The following RAB11A variants were observed in gnomAD, a reference collection of about 807,000 sequenced individuals.
RAB11A encodes ras-related protein Rab-11A.
A neutral mutation model predicts 28.0 loss-of-function variants in RAB11A; 9 were observed. That is an observed-to-expected ratio of 0.32 (90% CI 0.19 to 0.56). RAB11A has a LOEUF of 0.56. RAB11A is among the 20% of genes least tolerant of loss of function. RAB11A has a pLI of 0.91. For missense variants in RAB11A, 108 were observed against 269.6 expected (o/e 0.40, Z 4.20); for synonymous variants, 85 against 88.2 (o/e 0.96, Z 0.20).
At position 65,869,542 on chromosome 15, in the gene RAB11A, C is replaced by G. The variant is rs369891471; in HGVS notation, c.-44C>G. 3.7e-4 allele frequency: 591 copies of G among 1,603,358 alleles called. No homozygotes were observed. The highest frequency in any genetic ancestry group is 4.4e-4 in the Non-Finnish European group (522 of 1,176,910). The stretch of plus-strand genomic sequence containing the variant: ...CCTGCAGCGACGCCCCCTGGTCCCA[C>G]AGATACCACTGCTGCTCCCGCCCTT... On this transcript the variant is annotated 5_prime_UTR_variant, in exon 1 of 5. Coordinates refer to ENST00000261890, the MANE Select transcript of RAB11A (RefSeq NM_004663.5).
In RAB11A at chr15:65,888,229, G is replaced by A. The variant is rs1463052661; in HGVS notation, c.*389G>A. The A allele has an allele frequency of 6.3e-6, 1 of 158,792 alleles. No individual in the cohort carries two copies. Among genetic ancestry groups the A allele is most frequent in the Non-Finnish European group, 1.4e-5 (1 of 72,592 alleles). The allele number at this position is 158,792 out of a possible 1,614,324, so 9.8% of individuals were successfully genotyped here. Reference sequence around the variant, plus strand: ...TAAGCTACCATTTTGCCACAGAGCAGCTTATAGGTAATACACTCTTCTCTC... The same window carrying A: ...TAAGCTACCATTTTGCCACAGAGCAACTTATAGGTAATACACTCTTCTCTC... On this transcript the variant is annotated 3_prime_UTR_variant, in exon 5 of 5. Transcript: ENST00000261890.
intron 4 of RAB11A, among the ~76,000 whole-genome samples, chr15:65,882,360 G>A (rs1410678607): frequency 6.6e-6 from 1 of 152,182 alleles, no homozygotes; most frequent in Non-Finnish European, 1.5e-5. Flanking sequence ...ACAGTGAAGA[G>A]GACAGACTCT....
chr15:65,884,759 A>T (rs77040743), intron 4 of RAB11A, among the ~76,000 whole-genome samples: 15 of 135,842 alleles, frequency 1.1e-4, no homozygotes, highest in African/African-American at 4.3e-4. Context: ...GTGTGTCATT[A>T]AAAAAAAAAA....
At chr15:65,883,416 C>T (rs1026157590) in intron 4 of RAB11A, among the ~76,000 whole-genome samples, 4 of 152,164 alleles carry the variant, frequency 2.6e-5, no homozygotes, top group Non-Finnish European at 5.9e-5. Flanking sequence ...TCAAGTTATA[C>T]ACTTTTGGCA....
Position 65,877,639 on chromosome 15 carries a change from T to G in RAB11A, c.236+112T>G. On this transcript the variant is annotated intron_variant, in intron 2 of 4. Transcript: ENST00000261890. The surrounding 1 kb of genome is among the most constrained non-coding windows in gnomAD (Gnocchi z 4.1). The stretch of plus-strand genomic sequence containing the variant: ...TTTTTTCTTTTAAGAATTCTAGTAT[T>G]AGGAATCCTTAGAAATTTATTTATA... The G allele has an allele frequency of 7.5e-7, 1 of 1,328,150 alleles. No homozygotes were observed. Among genetic ancestry groups the G allele is most frequent in the Admixed American group, 2.5e-5 (1 of 39,284 alleles). The allele number at this position is 1,328,150 out of a possible 1,614,324, so 82.3% of individuals were successfully genotyped here. A position where few individuals can be genotyped will look rare whatever the true frequency, so the allele number is the denominator to read the frequency against.
chr15:65,879,825 T>A, intron 4 of RAB11A, 74 bp downstream of exon 4: 1 of 1,135,914 alleles, frequency 8.8e-7, no homozygotes, highest in Non-Finnish European at 1.3e-6. Context: ...AACTAATCAG[T>A]AACTAAACTA....
chr15:65,869,758 C>A, intron 1 of RAB11A, 133 bp downstream of exon 1: 1 of 960,504 alleles, frequency 1.0e-6, no homozygotes, highest in Non-Finnish European at 1.5e-6. Context: ...GCGGTTCCGT[C>A]TCCTACCCAG....
rs1237769152 is a variant in RAB11A, at chr15:65,889,554, T to C, written c.*1714T>C. On this transcript the variant is annotated 3_prime_UTR_variant, in exon 5 of 5. Coordinates refer to ENST00000261890, the MANE Select transcript of RAB11A (RefSeq NM_004663.5). ...AGGTTCTTGCATTACTGAGTAAACA[T>C]TGAATTGGGAGCATCAGTGTGTGAA... The C allele has an allele frequency of 1.3e-5, 2 of 152,208 alleles. No individual in the cohort carries two copies. Among genetic ancestry groups the C allele is most frequent in the South Asian group, 2.1e-4 (1 of 4,826 alleles). 9.4% of individuals were successfully genotyped at this position (152,208 alleles called of 1,614,324 possible).
At chr15:65,878,189 TTA>T (rs1165756331) in intron 3 of RAB11A, 12 of 571,148 alleles carry the variant, frequency 2.1e-5, no homozygotes, top group Admixed American at 7.9e-5. Flanking sequence ...TCTTTTTCTG[TTA>T]TGTTTCTGTG....
At chr15:65,879,212 A>G (rs1039052414) in intron 3 of RAB11A, among the ~76,000 whole-genome samples, 3 of 152,144 alleles carry the variant, frequency 2.0e-5, no homozygotes, top group South Asian at 2.1e-4. Flanking sequence ...GTGTTTTGCC[A>G]TGTTGCCCAG....
Position 65,888,639 on chromosome 15 carries a change from A to G in RAB11A, c.*799A>G, listed in dbSNP as rs766991457. On this transcript the variant is annotated 3_prime_UTR_variant, in exon 5 of 5. Transcript: ENST00000261890. Reference sequence around the variant, plus strand: ...TGATCTATAATAATTTCCAAGCGGTAGATTATGTGGCATTTTATTGCTCAG... The same window carrying G: ...TGATCTATAATAATTTCCAAGCGGTGGATTATGTGGCATTTTATTGCTCAG... 4.6e-5 allele frequency: 7 copies of G among 152,496 alleles called. No homozygotes were observed. Among genetic ancestry groups the G allele is most frequent in the Non-Finnish European group, 8.8e-5 (6 of 68,028 alleles). 9.4% of individuals were successfully genotyped at this position (152,496 alleles called of 1,614,324 possible).
chr15:65,891,730 A>T lies in RAB11A; in HGVS notation c.*3890A>T, dbSNP rs986952319. ...TTGGTCTTATCACAATAACCTGATT[A>T]AAATGGTGCCTTTATTTCCATGTTT... On this transcript the variant is annotated 3_prime_UTR_variant, in exon 5 of 5. Coordinates refer to ENST00000261890, the MANE Select transcript of RAB11A (RefSeq NM_004663.5). 1 of 152,260 alleles carries T rather than the reference A, an allele frequency of 6.6e-6. No homozygotes were observed. Among genetic ancestry groups the T allele is most frequent in the Non-Finnish European group, 1.5e-5 (1 of 68,042 alleles). 9.4% of individuals were successfully genotyped at this position (152,260 alleles called of 1,614,324 possible).
rs150412163 is a variant in RAB11A at position 65,879,835 on chromosome 15, A to G, written c.511+84A>G. On this transcript the variant is annotated intron_variant, in intron 4 of 4. Transcript: ENST00000261890. The stretch of plus-strand genomic sequence containing the variant: ...AAACAAACTAATCAGTAACTAAACT[A>G]TATATCAGCCGAGAGTGACTATCAT... 10,341 of 1,058,744 alleles carry G rather than the reference A, an allele frequency of 9.8e-3. 79 individuals carry two copies. The highest frequency in any genetic ancestry group is 0.013 in the Admixed American group (557 of 44,508). 65.6% of individuals were successfully genotyped at this position (1,058,744 alleles called of 1,614,324 possible).
intron 4 of RAB11A, among the ~76,000 whole-genome samples, chr15:65,884,845 A>C (rs1158576081): frequency 6.7e-6 from 1 of 150,306 alleles, no homozygotes; most frequent in Non-Finnish European, 1.5e-5. Context: ...AGGTTATTTC[A>C]TTGGGAGTTT....
rs2078268882 is a variant in RAB11A, at chr15:65,888,707, T to C, written c.*867T>C. ...GCTGGTAGTGTCAAATTTTGAAGTGTTAATTTTGTCTTAGAACCTTCCAGT... is the reference window on the plus strand; with the variant it reads ...GCTGGTAGTGTCAAATTTTGAAGTGCTAATTTTGTCTTAGAACCTTCCAGT... On this transcript the variant is annotated 3_prime_UTR_variant, in exon 5 of 5. Coordinates refer to ENST00000261890, the MANE Select transcript of RAB11A (RefSeq NM_004663.5). 6.9e-6 allele frequency: 1 copy of C among 145,360 alleles called. No homozygotes were observed. Among genetic ancestry groups the C allele is most frequent in the South Asian group, 2.1e-4 (1 of 4,834 alleles). 9.0% of individuals were successfully genotyped at this position (145,360 alleles called of 1,614,324 possible).
At chr15:65,874,689 G>A (rs530761351) in intron 1 of RAB11A, among the ~76,000 whole-genome samples, 1 of 152,104 alleles carries the variant, frequency 6.6e-6, no homozygotes, top group African/African-American at 2.4e-5. Flanking sequence ...TGAGATTGGT[G>A]AGATAATGAA....
intron 1 of RAB11A, among the ~76,000 whole-genome samples, chr15:65,874,289 C>T (rs181793257): frequency 1.0e-3 from 155 of 150,760 alleles, no homozygotes; most frequent in African/African-American, 3.7e-3. Flanking sequence ...TGCAATGGCG[C>T]GATTTCAGCT....
rs2078196631 is a variant in RAB11A, at chr15:65,877,302, C to G, written c.41-30C>G. The G allele has an allele frequency of 6.4e-7, 1 of 1,559,064 alleles. No homozygotes were observed. Among genetic ancestry groups the G allele is most frequent in the Middle Eastern group, 1.7e-4 (1 of 5,890 alleles). ...GTGTTCTGAATATGTTTGCCTCATT[C>G]ATCTGACATTGAATTCTTTGTCTTT... is the stretch of plus-strand genomic sequence containing the variant. On this transcript the variant is annotated intron_variant, in intron 1 of 4. Coordinates refer to ENST00000261890, the MANE Select transcript of RAB11A (RefSeq NM_004663.5). This position sits in a 1 kb window ranked among gnomAD's most constrained non-coding sequence, Gnocchi z 4.1.
chr15:65,887,943 C>G lies in RAB11A; in HGVS notation c.*103C>G. On this transcript the variant is annotated 3_prime_UTR_variant, in exon 5 of 5. Coordinates refer to ENST00000261890, the MANE Select transcript of RAB11A (RefSeq NM_004663.5). ...GTGTCACTTTTGTGTTTTATTACTT[C>G]ATACTTATGAATTTTTCCATGTCCT... is the stretch of plus-strand genomic sequence containing the variant. 2 of 1,225,122 alleles carry G rather than the reference C, an allele frequency of 1.6e-6. No homozygotes were observed. The highest frequency in any genetic ancestry group is 2.2e-6 in the Non-Finnish European group (2 of 928,868). The allele number at this position is 1,225,122 out of a possible 1,614,324, so 75.9% of individuals were successfully genotyped here.
Sources: gnomAD v4.1 joint callset for allele counts (sites outside exome capture counted in the v4.1 genomes callset) on GRCh38, gnomAD v4.1.1 for gene constraint, Gnocchi (gnomAD v3.1) non-coding constraint, MANE v1.5 for transcripts, NCBI Gene and HGNC (gene_info 2026-07-23, HGNC 2026-07-21) for gene names.